Variants in ST18 observed in about 807,000 individuals in gnomAD.
The protein encoded by ST18 is ST18 C2H2C-type zinc finger transcription factor.
A neutral mutation model predicts 110.0 loss-of-function variants in ST18; 50 were observed. The ratio of observed to expected loss-of-function variants is 0.45; its 90% CI spans 0.36 to 0.58. The LOEUF (loss-of-function observed/expected upper bound fraction) is 0.58. Among genes scored for constraint, ST18 ranks in the 20% least tolerant of loss-of-function variants. ST18 has a pLI of 0.00. For missense variants in ST18, 1,306 were observed against 1,280.1 expected, an observed-to-expected ratio of 1.02 and a Z score of -0.31; for synonymous variants, 461 against 452.4, an observed-to-expected ratio of 1.02 and a Z score of -0.24.
chr8:52,211,944 C>G, intron 8 of ST18, 135 bp downstream of exon 8: 1 of 840,112 alleles, frequency 1.2e-6, no homozygotes, highest in Non-Finnish European at 1.9e-6. Flanking sequence ...GGTGCATACA[C>G]AACGTCTGGA....
intron 3 of ST18, among the ~76,000 whole-genome samples, chr8:52,226,372 A>G (rs779336143): frequency 2.0e-5 from 3 of 152,204 alleles, no homozygotes; most frequent in Non-Finnish European, 2.9e-5. Flanking sequence ...AACGCATCTC[A>G]TGGAGATGCT....
At chr8:52,318,384 A>G (rs757031772) in intron 2 of ST18, among the ~76,000 whole-genome samples, 1 of 152,324 alleles carries the variant, frequency 6.6e-6, no homozygotes, top group East Asian at 1.9e-4. Flanking sequence ...CTGTTATTAA[A>G]AAGTCAAAAA....
intron 2 of ST18, among the ~76,000 whole-genome samples, chr8:52,294,117 A>T (rs994024028): frequency 6.6e-6 from 1 of 152,232 alleles, no homozygotes; most frequent in East Asian, 1.9e-4. Flanking sequence ...TGCAGTGCTA[A>T]TGGGGCTCCA....
intron 17 of ST18, among the ~76,000 whole-genome samples, chr8:52,142,505 A>G (rs1248621003): frequency 6.6e-6 from 1 of 152,300 alleles, no homozygotes; most frequent in Non-Finnish European, 1.5e-5. Flanking sequence ...CCGCTAGTAC[A>G]TAACTCGTAC....
chr8:52,222,638 G>C (rs1430754075), intron 3 of ST18, among the ~76,000 whole-genome samples: 1 of 152,210 alleles, frequency 6.6e-6, no homozygotes, highest in Non-Finnish European at 1.5e-5. Context: ...CCATCCATGT[G>C]TCTATCATTA....
chr8:52,350,192 TA>T (rs1398958626), intron 2 of ST18, among the ~76,000 whole-genome samples: 2 of 152,142 alleles, frequency 1.3e-5, no homozygotes, highest in Non-Finnish European at 2.9e-5. Context: ...GGTTCTAACT[TA>T]ATTAATCATT....
At chr8:52,311,212 T>G (rs1017331645) in intron 2 of ST18, among the ~76,000 whole-genome samples, 1 of 152,194 alleles carries the variant, frequency 6.6e-6, no homozygotes, top group Admixed American at 6.5e-5. Flanking sequence ...AACTGGACAT[T>G]CCTGCGGGGC....
At chr8:52,388,473 C>A (rs773283365) in intron 2 of ST18, among the ~76,000 whole-genome samples, 9 of 152,030 alleles carry the variant, frequency 5.9e-5, no homozygotes, top group Admixed American at 2.6e-4. Context: ...CACGGCTGAG[C>A]CATTTACCAT....
intron 2 of ST18, among the ~76,000 whole-genome samples, chr8:52,305,912 T>A (rs1195743668): frequency 6.6e-6 from 1 of 152,188 alleles, no homozygotes. Context: ...TTTTAAAGTG[T>A]TTGTCAGATA....
At chr8:52,207,072 A>G (rs1588457849) in intron 8 of ST18, among the ~76,000 whole-genome samples, 1 of 152,356 alleles carries the variant, frequency 6.6e-6, no homozygotes, top group East Asian at 1.9e-4. Flanking sequence ...CCAAAATATT[A>G]AAGTATCTAT....
chr8:52,345,542 G>C (rs1817340968), intron 2 of ST18, among the ~76,000 whole-genome samples: 1 of 152,230 alleles, frequency 6.6e-6, no homozygotes, highest in Admixed American at 6.5e-5. Context: ...GAGTCTAAGA[G>C]TGATGGGGAT....
rs1452271211 is a variant in ST18, at chr8:52,210,113, T to A, written c.86+1966A>T. On this transcript the variant is annotated intron_variant, in intron 8 of 25. Coordinates refer to ENST00000689386, the MANE Select transcript of ST18 (RefSeq NM_001352837.2). ...AGTGGCCTCATGTCCACGGGCACAC[T>A]GATTCTGCAACAAGAACCAAGAAAC... is the stretch of plus-strand genomic sequence containing the variant. 3 of 456,050 alleles carry A rather than the reference T, an allele frequency of 6.6e-6. No homozygotes were observed. The East Asian group carries it at 2.1e-4, about 32-fold the overall frequency. 28.3% of individuals were successfully genotyped at this position (456,050 alleles called of 1,614,324 possible). A position where few individuals can be genotyped will look rare whatever the true frequency, so the allele number is the denominator to read the frequency against.
chr8:52,318,407 G>C (rs1226673899), intron 2 of ST18, among the ~76,000 whole-genome samples: 1 of 152,142 alleles, frequency 6.6e-6, no homozygotes, highest in Non-Finnish European at 1.5e-5. Context: ...AGCAGATGCT[G>C]GCAACGTTGT....
intron 2 of ST18, among the ~76,000 whole-genome samples, chr8:52,364,597 C>A (rs1827089378): frequency 1.3e-5 from 2 of 152,162 alleles, no homozygotes; most frequent in South Asian, 4.1e-4. Context: ...ATCATTATGA[C>A]CAAATCTACT....
intron 22 of ST18, among the ~76,000 whole-genome samples, chr8:52,127,408 A>G (rs2047502433): frequency 6.6e-6 from 1 of 152,236 alleles, no homozygotes; most frequent in African/African-American, 2.4e-5. Flanking sequence ...ACTGTGGCCT[A>G]TAAAAGTTTC....
chr8:52,257,950 T>A (rs1260124739), intron 2 of ST18, among the ~76,000 whole-genome samples: 1 of 152,234 alleles, frequency 6.6e-6, no homozygotes, highest in East Asian at 1.9e-4. Context: ...GAGTTAATAT[T>A]TGCATATGCT....
At chr8:52,400,896 A>T (rs1440167003) in intron 2 of ST18, among the ~76,000 whole-genome samples, 2 of 152,164 alleles carry the variant, frequency 1.3e-5, no homozygotes, top group Non-Finnish European at 2.9e-5. Context: ...ATTTGACAAT[A>T]AATGTACCTC....
intron 8 of ST18, among the ~76,000 whole-genome samples, chr8:52,198,031 T>A (rs528645896): frequency 9.2e-5 from 14 of 152,120 alleles, no homozygotes; most frequent in African/African-American, 3.4e-4. Context: ...TTGTTTGTTT[T>A]TGAGACGGAG....
At chr8:52,300,200 T>C (rs994302465) in intron 2 of ST18, among the ~76,000 whole-genome samples, 1 of 152,220 alleles carries the variant, frequency 6.6e-6, no homozygotes, top group Non-Finnish European at 1.5e-5. Context: ...TCCACCATGC[T>C]GCCAAACACG....
Sources: allele counts gnomAD v4.1 joint callset (sites outside exome capture counted in the v4.1 genomes callset), GRCh38; gene constraint gnomAD v4.1.1; transcripts MANE v1.5; gene names NCBI Gene and HGNC (gene_info 2026-07-23, HGNC 2026-07-21).